GALNT7: variants seen among roughly 807,000 people sequenced by gnomAD.
The protein encoded by GALNT7 is polypeptide N-acetylgalactosaminyltransferase 7, also known as N-acetylgalactosaminyltransferase 7.
GALNT7 carries 60 observed loss-of-function variants against 82.1 expected under a neutral mutation model. The observed-to-expected ratio is 0.73, with a 90% CI of 0.59 to 0.91. The LOEUF (loss-of-function observed/expected upper bound fraction) is 0.91, where lower values mean the gene tolerates loss of function less well. Among genes scored for constraint, GALNT7 ranks in the 40% least tolerant of loss-of-function variants. The pLI is 0.00. For synonymous variants in GALNT7, 243 were observed against 275.1 expected, an observed-to-expected ratio of 0.88 and a Z score of 1.15; for missense variants, 660 against 804.2, an observed-to-expected ratio of 0.82 and a Z score of 2.17.
chr4:173,205,493 CTG>C lies in GALNT7; in HGVS notation c.126+36534_126+36535del, dbSNP rs372289848. Among the ~76,000 whole-genome samples the C allele has an allele frequency of 9.3e-4, 141 of 152,172 alleles. 6 individuals carry two copies. In the South Asian group the frequency reaches 0.028, roughly 30 times the overall value. On this transcript the variant is annotated intron_variant, in intron 1 of 11. Transcript: ENST00000265000. ...GACTTTATTCTGTTCTTCTCTCTTG[CTG>C]TCTTTTTTTTATGATTAGGTGGTTT...
intron 2 of GALNT7, among the ~76,000 whole-genome samples, chr4:173,261,804 G>C (rs1325910787): frequency 6.6e-6 from 1 of 152,080 alleles, no homozygotes; most frequent in African/African-American, 2.4e-5. Flanking sequence ...GGGGGACAGA[G>C]CCAGACTCAG....
intron 1 of GALNT7, among the ~76,000 whole-genome samples, chr4:173,225,419 A>G (rs903190379): frequency 2.0e-5 from 3 of 152,356 alleles, no homozygotes; most frequent in South Asian, 2.1e-4. Context: ...ATGAACAGTA[A>G]CTTTTCATAG....
chr4:173,269,245 G>C (rs1484319829), intron 2 of GALNT7, among the ~76,000 whole-genome samples: 1 of 152,138 alleles, frequency 6.6e-6, no homozygotes, highest in African/African-American at 2.4e-5. Context: ...AGACCAAAAA[G>C]CATCAAATTT....
In GALNT7 at chr4:173,263,323, T is replaced by C. The variant is rs368987590; in HGVS notation, c.587+14883T>C. Among the ~76,000 whole-genome samples, 9 of 152,362 alleles carry C rather than the reference T, an allele frequency of 5.9e-5. 1 individual carries two copies. The South Asian group carries it at 1.9e-3, about 32-fold the overall frequency. ...CAGCATTATTTTATAAAGTAAAATT[T>C]AATCTCTTATACTTGATTTACTGGT... On this transcript the variant is annotated intron_variant, in intron 2 of 11. Transcript: ENST00000265000.
chr4:173,305,216 T>C (rs1737109424), intron 8 of GALNT7, among the ~76,000 whole-genome samples: 1 of 152,216 alleles, frequency 6.6e-6, no homozygotes, highest in Non-Finnish European at 1.5e-5. Context: ...TTCATATAAC[T>C]GTTGGCTAGT....
At chr4:173,245,215 C>A (rs1734582615) in intron 1 of GALNT7, among the ~76,000 whole-genome samples, 1 of 122,864 alleles carries the variant, frequency 8.1e-6, no homozygotes, top group African/African-American at 3.1e-5. Flanking sequence ...ACCATTAAGT[C>A]AAAAAAAAAA....
intron 1 of GALNT7, among the ~76,000 whole-genome samples, chr4:173,178,881 C>T (rs1732160643): frequency 6.6e-6 from 1 of 152,222 alleles, no homozygotes; most frequent in Admixed American, 6.5e-5. Context: ...AATTAAGTCA[C>T]ATACTATCGG....
Position 173,320,872 on chromosome 4 carries a change from C to T in GALNT7, c.1837-708C>T, listed in dbSNP as rs1347857195. On this transcript the variant is annotated intron_variant, in intron 11 of 11. Coordinates refer to ENST00000265000, the MANE Select transcript of GALNT7 (RefSeq NM_017423.3). The surrounding 1 kb of genome is among the most constrained non-coding windows in gnomAD (Gnocchi z 4.1). ...CAGTGACATCCTTAAGTGAAACCGG[C>T]ATTTACTTTTCAACTGTGTGTGGCC... Among the ~76,000 whole-genome samples, 1 of 152,060 alleles carries T rather than the reference C, an allele frequency of 6.6e-6. No individual in the cohort carries two copies. Among genetic ancestry groups the T allele is most frequent in the Non-Finnish European group, 1.5e-5 (1 of 68,006 alleles).
chr4:173,243,406 C>T (rs546647713), intron 1 of GALNT7, among the ~76,000 whole-genome samples: 1 of 152,278 alleles, frequency 6.6e-6, no homozygotes, highest in East Asian at 1.9e-4. Flanking sequence ...AAATTATCTA[C>T]TCATCCTCTT....
At chr4:173,278,882 T>C (rs923321359) in intron 2 of GALNT7, among the ~76,000 whole-genome samples, 1 of 152,222 alleles carries the variant, frequency 6.6e-6, no homozygotes, top group Non-Finnish European at 1.5e-5. Flanking sequence ...TTTTAATCTA[T>C]AAATTTCTTT....
At position 173,304,108 on chromosome 4, in the gene GALNT7, C is replaced by T. The variant is rs920013656; in HGVS notation, c.1379C>T (p.Pro460Leu). 1.9e-6 allele frequency: 3 copies of T among 1,613,070 alleles called. No individual in the cohort carries two copies. Among genetic ancestry groups the T allele is most frequent in the African/African-American group, 1.3e-5 (1 of 74,830 alleles). The change falls in exon 8 of 12, where the codon CCA (proline) becomes CTA (leucine). Residue 460 changes from proline to leucine, a missense_variant. By Grantham distance (98) the Pro-to-Leu change is moderately conservative (BLOSUM62 -3). Transcript: ENST00000265000. ...NPPPIYVGSS[P>L]TLKNYVRVVE... ...CCGCCCATTTATGTTGGGTCTTCTCCAACTCTGAAGGTGAGTTTTTTGGAT... is the reference window on the plus strand; with the variant it reads ...CCGCCCATTTATGTTGGGTCTTCTCTAACTCTGAAGGTGAGTTTTTTGGAT...
At chr4:173,278,668 A>G (rs188417944) in intron 2 of GALNT7, among the ~76,000 whole-genome samples, 2 of 152,346 alleles carry the variant, frequency 1.3e-5, no homozygotes, top group Admixed American at 1.3e-4. Context: ...AATTTTAGGG[A>G]ATTGTGAGAT....
intron 2 of GALNT7, among the ~76,000 whole-genome samples, chr4:173,268,729 T>TG (rs1247788522): frequency 6.7e-6 from 1 of 149,866 alleles, no homozygotes; most frequent in Non-Finnish European, 1.5e-5. Flanking sequence ...TTAGTAGAGA[T>TG]GGGGTTTCAC....
chr4:173,238,672 A>G (rs572897213), intron 1 of GALNT7, among the ~76,000 whole-genome samples: 1 of 152,352 alleles, frequency 6.6e-6, no homozygotes, highest in South Asian at 2.1e-4. Context: ...AAATCAGCTA[A>G]AGAGTTAATG....
At chr4:173,177,046 A>G (rs1311143948) in intron 1 of GALNT7, among the ~76,000 whole-genome samples, 1 of 152,150 alleles carries the variant, frequency 6.6e-6, no homozygotes, top group South Asian at 2.1e-4. Context: ...TGGTAAAGGA[A>G]AGGATGTTGA....
At chr4:173,233,871 C>G (rs1734122368) in intron 1 of GALNT7, among the ~76,000 whole-genome samples, 1 of 152,192 alleles carries the variant, frequency 6.6e-6, no homozygotes, top group Non-Finnish European at 1.5e-5. Flanking sequence ...CTTCATATTT[C>G]TTCCAGCTGC....
At chr4:173,200,031 C>T (rs1241711459) in intron 1 of GALNT7, among the ~76,000 whole-genome samples, 2 of 152,180 alleles carry the variant, frequency 1.3e-5, no homozygotes, top group African/African-American at 4.8e-5. Context: ...AAGAAAGTCT[C>T]TATTGCTGCA....
intron 2 of GALNT7, among the ~76,000 whole-genome samples, chr4:173,264,726 C>T (rs886370004): frequency 2.0e-5 from 3 of 152,194 alleles, no homozygotes; most frequent in African/African-American, 7.2e-5. Context: ...TGTGTTTCTA[C>T]ATTCTCCCCT....
chr4:173,213,090 G>A lies in GALNT7; in HGVS notation c.127-34890G>A, dbSNP rs868450353. 2.6e-5 allele frequency among the ~76,000 whole-genome samples: 4 copies of A among 152,070 alleles called. No homozygotes were observed. In the South Asian group the frequency reaches 6.2e-4, roughly 24 times the overall value. Reference sequence around the variant, plus strand: ...TATTAAATATCTGAGAAAAAGGTATGTATTTTATTTGTAATTTTAAGTTGA... The same window carrying A: ...TATTAAATATCTGAGAAAAAGGTATATATTTTATTTGTAATTTTAAGTTGA... On this transcript the variant is annotated intron_variant, in intron 1 of 11. Transcript: ENST00000265000.
Sources: gnomAD v4.1 joint callset for allele counts (sites outside exome capture counted in the v4.1 genomes callset) on GRCh38, gnomAD v4.1.1 for gene constraint, Gnocchi (gnomAD v3.1) non-coding constraint, MANE v1.5 for transcripts, NCBI Gene and HGNC (gene_info 2026-07-23, HGNC 2026-07-21) for gene names.